The following PITPNM2 variants were observed in gnomAD, a reference collection of about 807,000 sequenced individuals.
The protein encoded by PITPNM2 is membrane-associated phosphatidylinositol transfer protein 2.
PITPNM2 carries 35 observed loss-of-function variants against 132.2 expected under a neutral mutation model. That is an observed-to-expected ratio of 0.26 (90% CI 0.20 to 0.35). The LOEUF (loss-of-function observed/expected upper bound fraction) is 0.35. Ranked by LOEUF, PITPNM2 falls within the 10% of genes least tolerant of loss-of-function variation. The probability of loss-of-function intolerance (pLI) is 1.00; values close to 1 mark genes in which losing one functional copy is unlikely to be tolerated. For synonymous variants in PITPNM2, 738 were observed against 799.2 expected, an observed-to-expected ratio of 0.92 and a Z score of 1.29; for missense variants, 1,332 against 1,912.0, an observed-to-expected ratio of 0.70 and a Z score of 5.66.
chr12:123,056,084 A>C (rs1216106795), intron 2 of PITPNM2, among the ~76,000 whole-genome samples: 1 of 152,112 alleles, frequency 6.6e-6, no homozygotes, highest in Non-Finnish European at 1.5e-5. Context: ...GCCCAGTCCC[A>C]AGCCCAGTTG....
At chr12:122,998,615 G>A (rs1434616368) in intron 10 of PITPNM2, among the ~76,000 whole-genome samples, 2 of 152,224 alleles carry the variant, frequency 1.3e-5, no homozygotes, top group Non-Finnish European at 2.9e-5. Flanking sequence ...TGTCTGGGGT[G>A]TGGGGGCAGG....
chr12:123,036,965 T>C lies in PITPNM2; in HGVS notation c.-95-2280A>G, dbSNP rs567894449. ...CATTGCTGACCTTCTTCAAGGTCAA[T>C]GGGTCTAGCTAACAGCCCATGGGAC... On this transcript the variant is annotated intron_variant, in intron 2 of 25. Transcript: ENST00000320201. The surrounding 1 kb of genome is among the most constrained non-coding windows in gnomAD (Gnocchi z 4.1). Among the ~76,000 whole-genome samples the C allele has an allele frequency of 2.6e-5, 4 of 152,384 alleles. No homozygotes were observed. The East Asian group carries it at 7.7e-4, about 29-fold the overall frequency.
intron 1 of PITPNM2, among the ~76,000 whole-genome samples, chr12:123,149,120 T>G (rs2043677095): frequency 6.6e-6 from 1 of 152,148 alleles, no homozygotes; most frequent in Non-Finnish European, 1.5e-5. Context: ...AGAAACCAAG[T>G]GACTTAGTTA....
At chr12:123,090,510 T>G (rs1483215723) in intron 2 of PITPNM2, 2 of 152,068 alleles carry the variant, frequency 1.3e-5, no homozygotes, top group Non-Finnish European at 2.9e-5. Flanking sequence ...CAGGCACAGG[T>G]GCCAACACAC....
At position 123,073,046 on chromosome 12, in the gene PITPNM2, C is replaced by T. The variant is rs192753302; in HGVS notation, c.-96+37339G>A. 2.6e-5 allele frequency among the ~76,000 whole-genome samples: 4 copies of T among 152,348 alleles called. No homozygotes were observed. In the East Asian group the frequency reaches 7.7e-4, roughly 29 times the overall value. The stretch of plus-strand genomic sequence containing the variant: ...CCCCCTCCCCAGAGCTCCCTATCCC[C>T]TTCAGGGATGGCCAGCTGTCTCCAG... On this transcript the variant is annotated intron_variant, in intron 2 of 25. Coordinates refer to ENST00000320201, the MANE Select transcript of PITPNM2 (RefSeq NM_020845.3).
chr12:123,069,077 A>AC lies in PITPNM2; in HGVS notation c.-95-34393dup, dbSNP rs764460414. Among the ~76,000 whole-genome samples the AC allele has an allele frequency of 1.2e-4, 18 of 151,936 alleles. No homozygotes were observed. The East Asian group carries it at 3.5e-3, about 29-fold the overall frequency. On this transcript the variant is annotated intron_variant, in intron 2 of 25. Transcript: ENST00000320201. ...AGACTAGCCTGGGCAATATGGTGAGACCCCATCTATACAAAAAAATTAAAA... is the reference window on the plus strand; with the variant it reads ...AGACTAGCCTGGGCAATATGGTGAGACCCCCATCTATACAAAAAAATTAAAA...
chr12:123,052,671 G>A (rs1423081795), intron 2 of PITPNM2, among the ~76,000 whole-genome samples: 1 of 151,846 alleles, frequency 6.6e-6, no homozygotes, highest in African/African-American at 2.4e-5. Context: ...TAATAAATTA[G>A]ATGAAAATTC....
chr12:123,067,541 G>A (rs2041467657), intron 2 of PITPNM2, among the ~76,000 whole-genome samples: 1 of 151,782 alleles, frequency 6.6e-6, no homozygotes, highest in Non-Finnish European at 1.5e-5. Context: ...ACAGGAGAAG[G>A]CCATGTGAAG....
intron 2 of PITPNM2, among the ~76,000 whole-genome samples, chr12:123,070,155 G>A (rs2041581082): frequency 6.6e-6 from 1 of 152,174 alleles, no homozygotes; most frequent in Non-Finnish European, 1.5e-5. Flanking sequence ...CCATGCCCTG[G>A]CCCCTAGCCC....
In PITPNM2 at chr12:123,137,412, C is replaced by A. The variant is rs1409684910; in HGVS notation, c.-200+13341G>T. Among the ~76,000 whole-genome samples, 3 of 152,118 alleles carry A rather than the reference C, an allele frequency of 2.0e-5. No homozygotes were observed. In the South Asian group the frequency reaches 6.2e-4, roughly 32 times the overall value. ...CCGAGGTGGGCAGAAGAAGGCTGTG[C>A]CCTACCAACCCTCATACTCATGACT... On this transcript the variant is annotated intron_variant, in intron 1 of 25. Transcript: ENST00000320201.
chr12:123,010,095 G>T lies in PITPNM2; in HGVS notation c.416-18C>A, dbSNP rs1484883443. The stretch of plus-strand genomic sequence containing the variant: ...GATGAAGTCTGTGGGTAAACCCTTA[G>T]AGTGGCCACTTCTGCCCTGACCTCA... On this transcript the variant is annotated intron_variant, in intron 5 of 25. Coordinates refer to ENST00000320201, the MANE Select transcript of PITPNM2 (RefSeq NM_020845.3). 1 of 1,594,670 alleles carries T rather than the reference G, an allele frequency of 6.3e-7. No individual in the cohort carries two copies. Among genetic ancestry groups the T allele is most frequent in the Admixed American group, 1.7e-5 (1 of 59,954 alleles).
At position 123,077,200 on chromosome 12, in the gene PITPNM2, G is replaced by A. The variant is rs897148655; in HGVS notation, c.-96+33185C>T. On this transcript the variant is annotated intron_variant, in intron 2 of 25. Transcript: ENST00000320201. This position sits in a 1 kb window ranked among gnomAD's most constrained non-coding sequence, Gnocchi z 4.8. ...TCCAGACAGACACACTGGCAGGGCC[G>A]CTCTGCCTGAAGCCAGCCAGCAGAC... Among the ~76,000 whole-genome samples the A allele has an allele frequency of 1.3e-5, 2 of 152,052 alleles. No homozygotes were observed. The highest frequency in any genetic ancestry group is 2.9e-5 in the Non-Finnish European group (2 of 68,006).
At chr12:123,102,003 T>TC (rs1481897018) in intron 2 of PITPNM2, among the ~76,000 whole-genome samples, 1 of 152,192 alleles carries the variant, frequency 6.6e-6, no homozygotes, top group Non-Finnish European at 1.5e-5. Context: ...GACAGAGTGA[T>TC]CTTGTCTCTA....
In PITPNM2 at chr12:123,111,092, CAA is replaced by C. The variant is rs2137333278; in HGVS notation, c.-199-606_-199-605del. 6.6e-6 allele frequency among the ~76,000 whole-genome samples: 1 copy of C among 152,268 alleles called. No individual in the cohort carries two copies. Among genetic ancestry groups the C allele is most frequent in the Admixed American group, 6.5e-5 (1 of 15,290 alleles). On this transcript the variant is annotated intron_variant, in intron 1 of 25. Transcript: ENST00000320201. This position sits in a 1 kb window ranked among gnomAD's most constrained non-coding sequence, Gnocchi z 4.1. The stretch of plus-strand genomic sequence containing the variant: ...TGAAAAAGGTGGAGAAATGGATTTC[CAA>C]AGAGTCGCAGGTCCAACAGCCTCAG...
chr12:123,084,379 C>T (rs762903970), intron 2 of PITPNM2: 3 of 152,254 alleles, frequency 2.0e-5, no homozygotes, highest in South Asian at 2.1e-4. Flanking sequence ...TTTTCCCAGA[C>T]GGGGGTCCTG....
chr12:123,069,018 T>G (rs1015276394), intron 2 of PITPNM2, among the ~76,000 whole-genome samples: 1 of 152,114 alleles, frequency 6.6e-6, no homozygotes, highest in Non-Finnish European at 1.5e-5. Flanking sequence ...TTTGGAAAGC[T>G]GAGGTGGGAG....
At chr12:123,076,666 G>A (rs1331167931) in intron 2 of PITPNM2, among the ~76,000 whole-genome samples, 4 of 152,206 alleles carry the variant, frequency 2.6e-5, no homozygotes, top group African/African-American at 9.6e-5. Flanking sequence ...TCTGCAGTCA[G>A]CCCTCCAAGT....
rs2037891554 is a variant in PITPNM2, at chr12:122,985,343, C to T, written c.*684G>A. ...CCGTGGCCTGAGGCTGGAAACAACA[C>T]TGGCCTGGGCTCCAGGCGGGGCAGG... On this transcript the variant is annotated 3_prime_UTR_variant, in exon 26 of 26. Coordinates refer to ENST00000320201, the MANE Select transcript of PITPNM2 (RefSeq NM_020845.3). The T allele has an allele frequency of 1.3e-5, 2 of 152,464 alleles. No individual in the cohort carries two copies. Among genetic ancestry groups the T allele is most frequent in the Admixed American group, 6.5e-5 (1 of 15,278 alleles). 9.4% of individuals were successfully genotyped at this position (152,464 alleles called of 1,614,324 possible). A position where few individuals can be genotyped will look rare whatever the true frequency, so the allele number is the denominator to read the frequency against.
chr12:123,007,862 C>A (rs1329792691), intron 6 of PITPNM2, among the ~76,000 whole-genome samples: 1 of 152,128 alleles, frequency 6.6e-6, no homozygotes, highest in Admixed American at 6.5e-5. Flanking sequence ...GCTGTCCCAA[C>A]CCCCAGGAGT....
Sources: allele counts gnomAD v4.1 joint callset (sites outside exome capture counted in the v4.1 genomes callset), GRCh38; gene constraint gnomAD v4.1.1; non-coding constraint Gnocchi (gnomAD v3.1); transcripts MANE v1.5; gene names NCBI Gene and HGNC (gene_info 2026-07-23, HGNC 2026-07-21).